ADCY10: variants seen among roughly 807,000 people sequenced by gnomAD.
ADCY10 encodes the protein adenylate cyclase 10, also known as adenylate cyclase type 10.
In ADCY10, 156 loss-of-function variants were observed where a neutral mutation model predicts 183.3. The ratio of observed to expected loss-of-function variants is 0.85; its 90% CI spans 0.75 to 0.97. The LOEUF (loss-of-function observed/expected upper bound fraction) is 0.97. ADCY10 is among the 50% of genes least tolerant of loss of function. The probability of loss-of-function intolerance (pLI) is 0.00; values close to 1 mark genes in which losing one functional copy is unlikely to be tolerated. For synonymous variants in ADCY10, 645 were observed against 670.0 expected, an observed-to-expected ratio of 0.96 and a Z score of 0.58; for missense variants, 1,745 against 1,934.3, an observed-to-expected ratio of 0.90 and a Z score of 1.84.
Position 167,875,167 on chromosome 1 carries a change from G to A in ADCY10, c.1426C>T (p.Leu476Phe). ...TAATCCTCCTTTCTGTTGCAGATGA[G>A]GCACGCCATACCAAACATGCTGAAG... is the stretch of plus-strand genomic sequence containing the variant. ...TEKVMFGMAC[L>F]ICNRKEDYPL... Residue 476 changes from leucine to phenylalanine, a missense_variant, in exon 13 of 33, where the codon CTC (leucine) becomes TTC (phenylalanine). Coordinates refer to ENST00000367851, the MANE Select transcript of ADCY10 (RefSeq NM_018417.6). The A allele has an allele frequency of 6.2e-7, 1 of 1,614,128 alleles. No homozygotes were observed. The highest frequency in any genetic ancestry group is 8.5e-7 in the Non-Finnish European group (1 of 1,180,004).
chr1:167,901,715 C>T lies in ADCY10; in HGVS notation c.383G>A (p.Gly128Glu). 1 of 1,614,192 alleles carries T rather than the reference C, an allele frequency of 6.2e-7. No homozygotes were observed. Among genetic ancestry groups the T allele is most frequent in the East Asian group, 2.2e-5 (1 of 44,890 alleles). Residue 128 changes from glycine to glutamate, a missense_variant, in exon 5 of 33, where the codon GGA becomes GAA. Physicochemically the swap from Gly to Glu is moderately conservative, Grantham distance 98. Coordinates refer to ENST00000367851, the MANE Select transcript of ADCY10 (RefSeq NM_018417.6). Reference sequence around the variant, plus strand: ...TTCCCACTCCTGGGTCTCAAACAATCCATGGATCTCCAGGCTACATTTAAT... The same window carrying T: ...TTCCCACTCCTGGGTCTCAAACAATTCATGGATCTCCAGGCTACATTTAAT... ...VVIKCSLEIH[G>E]LFETQEWEEG...
intron 31 of ADCY10, among the ~76,000 whole-genome samples, chr1:167,811,685 A>C (rs936902463): frequency 3.3e-5 from 5 of 152,104 alleles, no homozygotes; most frequent in African/African-American, 1.2e-4. Flanking sequence ...GCTGCCCCTA[A>C]GACTGGAGAG....
intron 26 of ADCY10, among the ~76,000 whole-genome samples, chr1:167,827,710 A>T (rs942038092): frequency 6.8e-4 from 20 of 29,546 alleles, no homozygotes; most frequent in African/African-American, 3.1e-3. Flanking sequence ...TTAAATTTAA[A>T]AAAAAAAAAT....
At chr1:167,818,825 A>AAAT (rs1662692517) in intron 30 of ADCY10, among the ~76,000 whole-genome samples, 1 of 152,114 alleles carries the variant, frequency 6.6e-6, no homozygotes, top group Non-Finnish European at 1.5e-5. Context: ...AGGCTGTGCC[A>AAAT]CCATGCCCGG....
intron 1 of ADCY10, 97 bp from the exon 2 acceptor site, chr1:167,905,295 CT>C: frequency 1.1e-6 from 1 of 938,842 alleles, no homozygotes; most frequent in Non-Finnish European, 1.7e-6. Context: ...CTGCGGCCTG[CT>C]TATAGTGGTG....
At chr1:167,884,693 A>AT (rs1668100710) in intron 8 of ADCY10, among the ~76,000 whole-genome samples, 1 of 118,846 alleles carries the variant, frequency 8.4e-6, no homozygotes, top group African/African-American at 3.4e-5. Flanking sequence ...CAATCATTTT[A>AT]ATTTTTTTTT....
chr1:167,896,625 T>C lies in ADCY10; in HGVS notation c.709A>G (p.Met237Val), dbSNP rs201531121. 2 of 1,613,670 alleles carry C rather than the reference T, an allele frequency of 1.2e-6. No individual in the cohort carries two copies. The highest frequency in any genetic ancestry group is 1.7e-6 in the Non-Finnish European group (2 of 1,179,596). ...TGCTCACCAGAAGGATAATAATGCA[T>C]GAAGGTCGTACACTTTGTGAAAAAT... ...DEFFTKCTTF[M>V]HYYPSGEHKN... The change falls in exon 7 of 33, where the codon ATG becomes GTG. Residue 237 changes from methionine to valine, a missense_variant. Transcript: ENST00000367851.
intron 7 of ADCY10, among the ~76,000 whole-genome samples, chr1:167,895,096 C>A (rs12070514): frequency 0.029 from 4,418 of 151,018 alleles, 214 homozygotes; most frequent in African/African-American, 0.1. Context: ...GCAGGAGAAT[C>A]GCTTGAACCC....
At position 167,901,642 on chromosome 1, in the gene ADCY10, A is replaced by T; in HGVS notation, c.436+20T>A. ...CCCTATCCCAGCTGCCGTAGGATTTATTCCTTCTCAAATGCTTACCTATCT... is the reference window on the plus strand; with the variant it reads ...CCCTATCCCAGCTGCCGTAGGATTTTTTCCTTCTCAAATGCTTACCTATCT... On this transcript the variant is annotated intron_variant, in intron 5 of 32. Coordinates refer to ENST00000367851, the MANE Select transcript of ADCY10 (RefSeq NM_018417.6). 1 of 1,613,350 alleles carries T rather than the reference A, an allele frequency of 6.2e-7. No homozygotes were observed. The highest frequency in any genetic ancestry group is 8.5e-7 in the Non-Finnish European group (1 of 1,179,516).
chr1:167,906,753 C>T (rs1482184537), intron 1 of ADCY10, among the ~76,000 whole-genome samples: 2 of 152,160 alleles, frequency 1.3e-5, no homozygotes, highest in Admixed American at 1.3e-4. Flanking sequence ...CGTGTCACTG[C>T]ACTCTATCCT....
At chr1:167,818,675 C>G (rs938488820) in intron 30 of ADCY10, among the ~76,000 whole-genome samples, 1 of 152,046 alleles carries the variant, frequency 6.6e-6, no homozygotes, top group Non-Finnish European at 1.5e-5. Context: ...GTAGCTGGGA[C>G]TACAGGTGTG....
chr1:167,844,188 G>T (rs1193008583), intron 21 of ADCY10, among the ~76,000 whole-genome samples: 1 of 152,152 alleles, frequency 6.6e-6, no homozygotes, highest in African/African-American at 2.4e-5. Context: ...ACTCAGGTAG[G>T]TGTACATTCC....
intron 12 of ADCY10, among the ~76,000 whole-genome samples, chr1:167,876,550 G>A (rs143454967): frequency 4.3e-4 from 65 of 152,308 alleles, no homozygotes; most frequent in African/African-American, 1.5e-3. Context: ...GTTTGTGTAT[G>A]TTGGTCTTCC....
At chr1:167,868,794 T>C (rs988594710) in intron 14 of ADCY10, among the ~76,000 whole-genome samples, 2 of 152,208 alleles carry the variant, frequency 1.3e-5, no homozygotes, top group African/African-American at 2.4e-5. Flanking sequence ...TACAATACTA[T>C]AGGCCTGCCA....
chr1:167,868,660 A>G (rs1321356365), intron 14 of ADCY10, among the ~76,000 whole-genome samples: 1 of 152,196 alleles, frequency 6.6e-6, no homozygotes, highest in African/African-American at 2.4e-5. Context: ...CTATTAAACC[A>G]TCTTTCTTCC....
chr1:167,909,482 G>A (rs765656726), intron 1 of ADCY10, among the ~76,000 whole-genome samples: 6 of 152,104 alleles, frequency 3.9e-5, no homozygotes, highest in African/African-American at 7.2e-5. Context: ...GGCCACATGC[G>A]GTCCAGGATG....
chr1:167,812,473 G>C (rs573418190), intron 31 of ADCY10, among the ~76,000 whole-genome samples: 33 of 152,312 alleles, frequency 2.2e-4, no homozygotes, highest in African/African-American at 7.9e-4. Flanking sequence ...CCTTGGCATA[G>C]AGACAGCCTA....
rs147513401 is a variant in ADCY10, at chr1:167,874,837, C to G, written c.1462+294G>C. ...CAATATGGATGAATTATATAACATACCATTGAGTAAGAGAAAGTATATATA... is the reference window on the plus strand; with the variant it reads ...CAATATGGATGAATTATATAACATAGCATTGAGTAAGAGAAAGTATATATA... On this transcript the variant is annotated intron_variant, in intron 13 of 32. Transcript: ENST00000367851. Among the ~76,000 whole-genome samples, 390 of 152,102 alleles carry G rather than the reference C, an allele frequency of 2.6e-3. 2 individuals are homozygous for G. Among genetic ancestry groups the G allele is most frequent in the African/African-American group, 8.8e-3 (364 of 41,492 alleles).
chr1:167,829,291 T>C lies in ADCY10; in HGVS notation c.3726A>G (p.Ala1242=), dbSNP rs371279568. 1.8e-5 allele frequency: 29 copies of C among 1,613,964 alleles called. No individual in the cohort carries two copies. The highest frequency in any genetic ancestry group is 2.5e-5 in the Non-Finnish European group (29 of 1,179,938). Residue 1242 remains alanine, a synonymous_variant, in exon 26 of 33, where the codon GCA becomes GCG. Coordinates refer to ENST00000367851, the MANE Select transcript of ADCY10 (RefSeq NM_018417.6). ...HLAVMMQMNT[A]LETQNCFQII... ...CCTGGAAACAATTTTGAGTTTCCAG[T>C]GCAGTATTCATTTGCATCATAACTG... is the stretch of plus-strand genomic sequence containing the variant.
Sources: allele counts gnomAD v4.1 joint callset (sites outside exome capture counted in the v4.1 genomes callset), GRCh38; gene constraint gnomAD v4.1.1; transcripts MANE v1.5; gene names NCBI Gene and HGNC (gene_info 2026-07-23, HGNC 2026-07-21).